The following NLK variants were observed in gnomAD, a reference collection of about 807,000 sequenced individuals.
NLK encodes serine/threonine-protein kinase NLK.
Under a neutral mutation model 59.0 loss-of-function variants are expected in NLK, and 11 were observed. The observed-to-expected ratio is 0.19, with a 90% CI of 0.12 to 0.31. The LOEUF is 0.31. Ranked by LOEUF, NLK falls within the 10% of genes least tolerant of loss-of-function variation. NLK has a pLI of 1.00. For synonymous variants in NLK, 235 were observed against 235.9 expected (o/e 1.00, Z 0.03); for missense variants, 410 against 661.1 (o/e 0.62, Z 4.16).
chr17:28,091,975 A>G (rs548863130), intron 1 of NLK, among the ~76,000 whole-genome samples: 2 of 152,130 alleles, frequency 1.3e-5, no homozygotes, highest in East Asian at 3.9e-4. Context: ...TTATTTTAAC[A>G]TCTTTTAATA....
chr17:28,084,800 G>T (rs553837376), intron 1 of NLK, among the ~76,000 whole-genome samples: 19 of 152,288 alleles, frequency 1.2e-4, no homozygotes, highest in Middle Eastern at 3.4e-3. Context: ...CTAACCTCAT[G>T]ATCTGCCCGC....
chr17:28,048,392 G>GTT (rs3214881), intron 1 of NLK: 6 of 147,248 alleles, frequency 4.1e-5, no homozygotes, highest in Non-Finnish European at 7.5e-5. Flanking sequence ...AAAAAAGACA[G>GTT]TTTTTTTTTT....
intron 1 of NLK, among the ~76,000 whole-genome samples, chr17:28,066,448 T>C (rs933668855): frequency 1.3e-5 from 2 of 152,252 alleles, no homozygotes; most frequent in African/African-American, 2.4e-5. Context: ...ACGATTTATG[T>C]TGCATGTACT....
At chr17:28,180,144 G>A (rs1481758003) in intron 7 of NLK, among the ~76,000 whole-genome samples, 1 of 152,140 alleles carries the variant, frequency 6.6e-6, no homozygotes, top group African/African-American at 2.4e-5. Context: ...GAGAAAGTAT[G>A]TAATATGGCT....
intron 3 of NLK, among the ~76,000 whole-genome samples, chr17:28,159,106 C>T (rs1315713574): frequency 6.6e-6 from 1 of 152,116 alleles, no homozygotes; most frequent in Non-Finnish European, 1.5e-5. Flanking sequence ...TCAGGAAGTA[C>T]AGTCCATGCA....
chr17:28,133,728 A>G (rs1395938971), intron 3 of NLK, among the ~76,000 whole-genome samples: 2 of 152,198 alleles, frequency 1.3e-5, no homozygotes, highest in African/African-American at 4.8e-5. Flanking sequence ...AGTTTATTCA[A>G]ACTCTAGGCT....
intron 7 of NLK, among the ~76,000 whole-genome samples, chr17:28,174,549 G>A (rs911824471): frequency 2.6e-5 from 4 of 152,036 alleles, no homozygotes; most frequent in Non-Finnish European, 4.4e-5. Flanking sequence ...GTCTTTAAAC[G>A]GCTTTTATCC....
chr17:28,103,470 A>G (rs1904971621), intron 1 of NLK, among the ~76,000 whole-genome samples: 1 of 152,246 alleles, frequency 6.6e-6, no homozygotes, highest in Non-Finnish European at 1.5e-5. Flanking sequence ...AAATTTACAA[A>G]GAGCTGCTTC....
chr17:28,168,634 C>T lies in NLK; in HGVS notation c.1024C>T (p.Gln342Ter). ...AELLGRRILF[Q>*]AQSPIQQLDL... ...ACTACTAGGACGAAGAATATTGTTTCAGGCACAGAGTCCCATTCAGCAGGT... is the reference window on the plus strand; with the variant it reads ...ACTACTAGGACGAAGAATATTGTTTTAGGCACAGAGTCCCATTCAGCAGGT... The change falls in exon 6 of 11, where the codon CAG becomes TAG. Residue 342 changes from glutamine to a stop codon, truncating the protein, a stop_gained. Transcript: ENST00000407008. LOFTEE classifies it high-confidence loss of function. 6.2e-7 allele frequency: 1 copy of T among 1,613,650 alleles called. No homozygotes were observed.
intron 1 of NLK, among the ~76,000 whole-genome samples, chr17:28,055,941 A>G (rs1450931501): frequency 1.3e-5 from 2 of 152,170 alleles, no homozygotes; most frequent in African/African-American, 2.4e-5. Context: ...ACATAAAAGG[A>G]AGGTTTTTTT....
chr17:28,134,815 G>C (rs1906670784), intron 3 of NLK, among the ~76,000 whole-genome samples: 1 of 151,838 alleles, frequency 6.6e-6, no homozygotes, highest in Admixed American at 6.6e-5. Context: ...CTGGCCAGAT[G>C]GTTCTGACAA....
chr17:28,165,239 C>T (rs76535846), intron 5 of NLK, among the ~76,000 whole-genome samples: 4,360 of 152,134 alleles, frequency 0.029, 194 homozygotes, highest in African/African-American at 0.099. Flanking sequence ...ATCAATCTTA[C>T]GACAGTTTAA....
chr17:28,152,831 C>A (rs1294528074), intron 3 of NLK, among the ~76,000 whole-genome samples: 2 of 152,194 alleles, frequency 1.3e-5, no homozygotes, highest in Non-Finnish European at 1.5e-5. Context: ...ATTAAGATGC[C>A]CAGGCAGGTC....
chr17:28,181,878 C>T (rs1014802118), intron 7 of NLK, among the ~76,000 whole-genome samples: 2 of 152,044 alleles, frequency 1.3e-5, no homozygotes, highest in Admixed American at 6.6e-5. Context: ...GGTGTGGTGG[C>T]GCACGTCTGT....
rs985724504 is a variant in NLK at position 28,081,223 on chromosome 17, G to A, written c.458+37892G>A. ...GTTTGTTTTTGTTGTTTTTGAGACA[G>A]GGTCTCACTTTGTTGCTTAGGCTGG... is the stretch of plus-strand genomic sequence containing the variant. On this transcript the variant is annotated intron_variant, in intron 1 of 10. Coordinates refer to ENST00000407008, the MANE Select transcript of NLK (RefSeq NM_016231.5). Among the ~76,000 whole-genome samples, 9 of 152,002 alleles carry A rather than the reference G, an allele frequency of 5.9e-5. 1 individual carries two copies. The highest frequency in any genetic ancestry group is 4.6e-4 in the Admixed American group (7 of 15,246).
At chr17:28,194,470 C>T in intron 10 of NLK, 112 bp from the exon 11 acceptor site, 1 of 702,434 alleles carries the variant, frequency 1.4e-6, no homozygotes, top group South Asian at 2.6e-5. Context: ...AAATAAAAAT[C>T]CAGAAGTGGA....
chr17:28,125,295 C>T (rs890863795), intron 2 of NLK, among the ~76,000 whole-genome samples: 2 of 152,176 alleles, frequency 1.3e-5, no homozygotes, highest in African/African-American at 4.8e-5. Context: ...AAGCAATTCT[C>T]ATACAGTTTC....
chr17:28,086,780 CCCA>C (rs1242151111), intron 1 of NLK, among the ~76,000 whole-genome samples: 43 of 151,828 alleles, frequency 2.8e-4, no homozygotes, highest in African/African-American at 1.0e-3. Context: ...CGCCTATAAT[CCCA>C]GCACTTTGAG....
intron 1 of NLK, among the ~76,000 whole-genome samples, chr17:28,065,940 A>G (rs1178549501): frequency 6.6e-6 from 1 of 152,158 alleles, no homozygotes; most frequent in Non-Finnish European, 1.5e-5. Context: ...CCTCTTCCTC[A>G]GTTTCTACAG....
Sources: allele counts gnomAD v4.1 joint callset (sites outside exome capture counted in the v4.1 genomes callset), GRCh38; gene constraint gnomAD v4.1.1; transcripts MANE v1.5; gene names NCBI Gene and HGNC (gene_info 2026-07-23, HGNC 2026-07-21).